The following ATP8B4 variants were observed in gnomAD, a reference collection of about 807,000 sequenced individuals.
ATP8B4 encodes probable phospholipid-transporting ATPase IM.
Under a neutral mutation model 145.6 loss-of-function variants are expected in ATP8B4, and 133 were observed. The ratio of observed to expected loss-of-function variants is 0.91; its 90% CI spans 0.79 to 1.05. ATP8B4 has a LOEUF of 1.05. ATP8B4 is among the 50% of genes least tolerant of loss of function. The probability of loss-of-function intolerance (pLI) is 0.00; values close to 1 mark genes in which losing one functional copy is unlikely to be tolerated. For synonymous variants in ATP8B4, 507 were observed against 492.9 expected, an observed-to-expected ratio of 1.03 and a Z score of -0.38; for missense variants, 1,458 against 1,425.2, an observed-to-expected ratio of 1.02 and a Z score of -0.37.
At chr15:50,129,555 G>C (rs74015205) in intron 1 of ATP8B4, among the ~76,000 whole-genome samples, 2 of 151,886 alleles carry the variant, frequency 1.3e-5, no homozygotes, top group Admixed American at 1.3e-4. Flanking sequence ...GATTAGATTT[G>C]GGCTCCATTC....
At chr15:50,072,927 T>TCC (rs2053853022) in intron 3 of ATP8B4, among the ~76,000 whole-genome samples, 2 of 9,670 alleles carry the variant, frequency 2.1e-4, no homozygotes, top group Admixed American at 3.0e-3. Flanking sequence ...CCGGCCTCTC[T>TCC]CTCTCTCTCT....
intron 1 of ATP8B4, among the ~76,000 whole-genome samples, chr15:50,156,067 TAAATAA>T (rs376671371): frequency 0.41 from 19,227 of 46,442 alleles, 2,760 homozygotes; most frequent in Non-Finnish European, 0.48. Flanking sequence ...AATAAATAAA[TAAATAA>T]ATATATATAT....
At chr15:50,043,069 A>G (rs1686533690) in intron 5 of ATP8B4, among the ~76,000 whole-genome samples, 1 of 152,250 alleles carries the variant, frequency 6.6e-6, no homozygotes, top group Non-Finnish European at 1.5e-5. Flanking sequence ...CATTTTAAAG[A>G]TACAGATGGG....
rs755128579 is a variant in ATP8B4, at chr15:49,923,436, A to T, written c.1701T>A (p.Phe567Leu). 1.2e-6 allele frequency: 2 copies of T among 1,613,752 alleles called. No homozygotes were observed. The highest frequency in any genetic ancestry group is 4.5e-5 in the East Asian group (2 of 44,872). Residue 567 changes from phenylalanine (F) to leucine (L), a missense_variant, in exon 17 of 28, where the codon TTT (phenylalanine) becomes TTA (leucine). Transcript: ENST00000284509. ...LYSKGADTILFEKLHPSNEVL... is the reference protein window; with the variant it reads ...LYSKGADTILLEKLHPSNEVL... ...CTTCATTGGAAGGATGAAGTTTTTC[A>T]AACAGAATAGTATCTGCTCCTTTGG...
At chr15:50,130,724 C>T (rs1382078142) in intron 1 of ATP8B4, among the ~76,000 whole-genome samples, 1 of 151,858 alleles carries the variant, frequency 6.6e-6, no homozygotes, top group African/African-American at 2.4e-5. Context: ...TGCAGTGAGT[C>T]GAGATGGTGC....
chr15:50,145,343 T>A (rs1396917728), intron 1 of ATP8B4, among the ~76,000 whole-genome samples: 1 of 152,246 alleles, frequency 6.6e-6, no homozygotes, highest in African/African-American at 2.4e-5. Flanking sequence ...AGATCAGTCA[T>A]ACATTGATTC....
intron 2 of ATP8B4, among the ~76,000 whole-genome samples, chr15:50,079,065 A>T (rs1484021924): frequency 6.6e-6 from 1 of 152,204 alleles, no homozygotes; most frequent in Non-Finnish European, 1.5e-5. Context: ...TACACTTAAA[A>T]ATAACTAAAA....
chr15:49,871,389 C>G (rs1337594982), intron 25 of ATP8B4, among the ~76,000 whole-genome samples: 4 of 152,302 alleles, frequency 2.6e-5, no homozygotes, highest in Admixed American at 2.6e-4. Flanking sequence ...GAACTGGATT[C>G]TCCTGGCTCT....
At chr15:49,976,930 G>C (rs1436901023) in intron 12 of ATP8B4, among the ~76,000 whole-genome samples, 1 of 152,062 alleles carries the variant, frequency 6.6e-6, no homozygotes, top group African/African-American at 2.4e-5. Flanking sequence ...AAGCAACATA[G>C]AAATGAATTC....
At chr15:49,966,591 T>C (rs2044563701) in intron 13 of ATP8B4, among the ~76,000 whole-genome samples, 1 of 152,154 alleles carries the variant, frequency 6.6e-6, no homozygotes, top group African/African-American at 2.4e-5. Flanking sequence ...GGGCAGGAAA[T>C]CTCTGAAAGA....
At chr15:50,029,091 G>A (rs1006508751) in intron 6 of ATP8B4, among the ~76,000 whole-genome samples, 1 of 151,858 alleles carries the variant, frequency 6.6e-6, no homozygotes, top group African/African-American at 2.4e-5. Context: ...AAATTAGCCA[G>A]GCTTGGTGGC....
At chr15:49,932,916 A>C (rs1567021905) in intron 15 of ATP8B4, among the ~76,000 whole-genome samples, 1 of 152,038 alleles carries the variant, frequency 6.6e-6, no homozygotes, top group East Asian at 1.9e-4. Context: ...TTGGAAGGGA[A>C]AAAAATATCT....
intron 10 of ATP8B4, among the ~76,000 whole-genome samples, chr15:49,982,005 T>C (rs987360259): frequency 6.6e-6 from 1 of 152,180 alleles, no homozygotes; most frequent in Non-Finnish European, 1.5e-5. Context: ...AAAATATTGT[T>C]AAAGAAATTC....
At chr15:50,111,966 T>C (rs1415885017) in intron 1 of ATP8B4, among the ~76,000 whole-genome samples, 1 of 152,080 alleles carries the variant, frequency 6.6e-6, no homozygotes, top group Non-Finnish European at 1.5e-5. Flanking sequence ...CCAGAAGTTC[T>C]AGACCAGCCT....
chr15:49,942,767 G>A (rs2042261015), intron 14 of ATP8B4, among the ~76,000 whole-genome samples: 1 of 152,076 alleles, frequency 6.6e-6, no homozygotes, highest in Admixed American at 6.5e-5. Flanking sequence ...AGAGCTTGCA[G>A]TGAGCCGAGA....
intron 3 of ATP8B4, among the ~76,000 whole-genome samples, chr15:50,059,439 CACTAGGAAGGCCA>C (rs2153621153): frequency 6.6e-6 from 1 of 152,296 alleles, no homozygotes; most frequent in East Asian, 1.9e-4. Context: ...ACCAGAGCAT[CACTAGGAAGGCCA>C]GCTAGGAATA....
intron 12 of ATP8B4, among the ~76,000 whole-genome samples, chr15:49,974,081 C>CTTT (rs5812500): frequency 3.7e-4 from 47 of 126,696 alleles, no homozygotes; most frequent in East Asian, 1.3e-3. Flanking sequence ...TATCATTTGT[C>CTTT]TTTTTTTTTT....
At chr15:49,958,867 A>ATTT (rs1199045428) in intron 14 of ATP8B4, among the ~76,000 whole-genome samples, 2 of 151,940 alleles carry the variant, frequency 1.3e-5, no homozygotes, top group Non-Finnish European at 2.9e-5. Flanking sequence ...GGTCCACATA[A>ATTT]TTTTATAGGG....
At chr15:50,004,298 C>A (rs968081590) in intron 7 of ATP8B4, among the ~76,000 whole-genome samples, 1 of 152,166 alleles carries the variant, frequency 6.6e-6, no homozygotes. Context: ...TGCAGGCAGG[C>A]CTATTTTCTA....
Sources: allele counts gnomAD v4.1 joint callset (sites outside exome capture counted in the v4.1 genomes callset), GRCh38; gene constraint gnomAD v4.1.1; transcripts MANE v1.5; gene names NCBI Gene and HGNC (gene_info 2026-07-23, HGNC 2026-07-21).